The following ZMYND8 variants were observed in gnomAD, a reference collection of about 807,000 sequenced individuals.
The protein encoded by ZMYND8 is zinc finger MYND-type containing 8, also known as MYND-type zinc finger-containing chromatin reader ZMYND8.
In ZMYND8, 37 loss-of-function variants were observed where a neutral mutation model predicts 140.8. The observed-to-expected ratio is 0.26, with a 90% CI of 0.20 to 0.35. The LOEUF is 0.35. Ranked by LOEUF, ZMYND8 falls within the 10% of genes least tolerant of loss-of-function variation. The pLI, the probability that ZMYND8 is intolerant of heterozygous loss-of-function variation, is 1.00. For synonymous variants in ZMYND8, 592 were observed against 597.1 expected (o/e 0.99, Z 0.12); for missense variants, 1,068 against 1,570.0 (o/e 0.68, Z 5.40).
chr20:47,350,026 G>A, intron 1 of ZMYND8: 1 of 1,461,362 alleles, frequency 6.8e-7, no homozygotes, highest in Middle Eastern at 1.8e-4. Context: ...TTATGTGGTG[G>A]CTATTTGCTT....
chr20:47,338,654 T>C (rs1470632768), intron 2 of ZMYND8, among the ~76,000 whole-genome samples: 2 of 152,066 alleles, frequency 1.3e-5, no homozygotes, highest in East Asian at 3.8e-4. Context: ...AAACAGAAGC[T>C]ACCACCACCG....
At chr20:47,218,645 T>C (rs186752827) in intron 21 of ZMYND8, among the ~76,000 whole-genome samples, 1 of 152,196 alleles carries the variant, frequency 6.6e-6, no homozygotes, top group Admixed American at 6.5e-5. Context: ...AATCAGGAAA[T>C]ATGAGAGATG....
At chr20:47,308,366 G>A (rs537369402) in intron 3 of ZMYND8, among the ~76,000 whole-genome samples, 20 of 151,800 alleles carry the variant, frequency 1.3e-4, no homozygotes, top group African/African-American at 4.8e-4. Flanking sequence ...TTACAGGCAT[G>A]TGCCACCACG....
intron 2 of ZMYND8, among the ~76,000 whole-genome samples, chr20:47,310,475 A>C (rs967404269): frequency 1.3e-5 from 2 of 152,168 alleles, no homozygotes; most frequent in African/African-American, 2.4e-5. Context: ...TTCATGTAAT[A>C]ACCTAGATTT....
At chr20:47,305,863 TA>T (rs1414011999) in intron 3 of ZMYND8, among the ~76,000 whole-genome samples, 1 of 152,088 alleles carries the variant, frequency 6.6e-6, no homozygotes, top group Non-Finnish European at 1.5e-5. Context: ...AGCAGAGTGG[TA>T]TTTATCTGTA....
chr20:47,349,852 A>G (rs1294536319), intron 1 of ZMYND8: 3 of 1,535,540 alleles, frequency 2.0e-6, no homozygotes, highest in Non-Finnish European at 2.6e-6. Context: ...TGAGCCAAAA[A>G]AAACCCACTT....
chr20:47,345,699 G>T (rs1175911961), intron 2 of ZMYND8, among the ~76,000 whole-genome samples: 1 of 151,982 alleles, frequency 6.6e-6, no homozygotes, highest in Non-Finnish European at 1.5e-5. Flanking sequence ...AGTAGAGATG[G>T]GGTTTCACCG....
intron 10 of ZMYND8, among the ~76,000 whole-genome samples, chr20:47,280,386 A>G (rs529099585): frequency 6.6e-6 from 1 of 152,258 alleles, no homozygotes; most frequent in East Asian, 1.9e-4. Flanking sequence ...CTTCCACGAC[A>G]GCTCTCATCC....
intron 12 of ZMYND8, among the ~76,000 whole-genome samples, chr20:47,255,610 ACACACCATATACATATACTCAG>A (rs2074557471): frequency 1.5e-5 from 1 of 65,914 alleles, no homozygotes; most frequent in Non-Finnish European, 3.6e-5. Flanking sequence ...ATATATATAT[ACACACCATATACATATACTCAG>A]TATATATATA....
intron 7 of ZMYND8, among the ~76,000 whole-genome samples, chr20:47,289,618 A>G (rs1003929367): frequency 6.6e-6 from 1 of 151,890 alleles, no homozygotes; most frequent in African/African-American, 2.4e-5. Context: ...GAATGAAAAA[A>G]AAAAATCAGC....
chr20:47,211,099 G>C (rs187545331), intron 22 of ZMYND8, among the ~76,000 whole-genome samples: 7 of 152,206 alleles, frequency 4.6e-5, no homozygotes, highest in African/African-American at 1.4e-4. Flanking sequence ...AGGATTTAAC[G>C]ACAACCGGTT....
rs965998175 is a variant in ZMYND8 at position 47,347,746 on chromosome 20, A to C, written c.85+110T>G. 3 of 1,011,092 alleles carry C rather than the reference A, an allele frequency of 3.0e-6. No individual in the cohort carries two copies. The African/African-American group carries it at 4.9e-5, about 16-fold the overall frequency. 62.6% of individuals were successfully genotyped at this position (1,011,092 alleles called of 1,614,324 possible). On this transcript the variant is annotated intron_variant, in intron 2 of 22. Transcript: ENST00000471951. ...ATCTTATATCTGAAAATCCAAGAAG[A>C]GTTACAACGTCGGCTCAGAGAGCCA...
intron 11 of ZMYND8, among the ~76,000 whole-genome samples, chr20:47,270,327 C>T (rs1202164714): frequency 7.1e-6 from 1 of 140,728 alleles, no homozygotes; most frequent in Non-Finnish European, 1.5e-5. Flanking sequence ...GAGCCAAGAT[C>T]GCACCATTGC....
intron 12 of ZMYND8, among the ~76,000 whole-genome samples, chr20:47,250,045 T>C (rs1397229197): frequency 1.3e-5 from 2 of 152,162 alleles, no homozygotes; most frequent in Non-Finnish European, 2.9e-5. Context: ...ACAGCATCTA[T>C]GTGAGGCAAG....
At chr20:47,342,242 C>G (rs990811284) in intron 2 of ZMYND8, among the ~76,000 whole-genome samples, 66 of 151,970 alleles carry the variant, frequency 4.3e-4, no homozygotes, top group Middle Eastern at 3.4e-3. Context: ...ATACTATTCT[C>G]CAATAAAAGA....
intron 2 of ZMYND8, among the ~76,000 whole-genome samples, chr20:47,341,526 CAAAAAAAAA>C (rs112093006): frequency 7.1e-5 from 4 of 56,308 alleles, no homozygotes; most frequent in Admixed American, 4.5e-4. Flanking sequence ...GACTCCATCT[CAAAAAAAAA>C]AAAAAAAAAA....
intron 22 of ZMYND8, among the ~76,000 whole-genome samples, chr20:47,212,064 C>T (rs1243507242): frequency 6.6e-6 from 1 of 152,220 alleles, no homozygotes; most frequent in African/African-American, 2.4e-5. Context: ...CCTTCTTATG[C>T]CTTCTTCCCT....
At chr20:47,235,578 G>A (rs762363589) in intron 16 of ZMYND8, among the ~76,000 whole-genome samples, 14 of 151,998 alleles carry the variant, frequency 9.2e-5, no homozygotes, top group African/African-American at 2.2e-4. Flanking sequence ...ATGGTGGCGC[G>A]TGCCTGTAGT....
chr20:47,266,586 T>C (rs2075545227), intron 11 of ZMYND8, among the ~76,000 whole-genome samples: 1 of 152,104 alleles, frequency 6.6e-6, no homozygotes, highest in Admixed American at 6.6e-5. Flanking sequence ...ACTCAGCCCA[T>C]TCTTAATTCC....
Sources: allele counts gnomAD v4.1 joint callset (sites outside exome capture counted in the v4.1 genomes callset), GRCh38; gene constraint gnomAD v4.1.1; transcripts MANE v1.5; gene names NCBI Gene and HGNC (gene_info 2026-07-23, HGNC 2026-07-21).